The following STS variants were observed in gnomAD, a reference collection of about 807,000 sequenced individuals.
STS encodes the protein steryl-sulfatase.
A neutral mutation model predicts 26.8 loss-of-function variants in STS; 7 were observed. The observed-to-expected ratio is 0.26, with a 90% CI of 0.15 to 0.49. The LOEUF (loss-of-function observed/expected upper bound fraction) is 0.49, where lower values mean the gene tolerates loss of function less well. STS is among the 20% of genes least tolerant of loss of function. The pLI, the probability that STS is intolerant of heterozygous loss-of-function variation, is 0.98. For missense variants in STS, 434 were observed against 465.6 expected, an observed-to-expected ratio of 0.93 and a Z score of 0.63; for synonymous variants, 199 against 189.4, an observed-to-expected ratio of 1.05 and a Z score of -0.42.
chrX:7,180,261 C>T (rs1431235617), intron 1 of STS, among the ~76,000 whole-genome samples: 1 of 111,564 alleles, frequency 9.0e-6, no homozygotes, highest in African/African-American at 3.3e-5. Flanking sequence ...TGCAACTAGA[C>T]GATCCCATCG....
At chrX:7,267,658 C>G (rs1294697522) in intron 6 of STS, among the ~76,000 whole-genome samples, 1 of 112,001 alleles carries the variant, frequency 8.9e-6, no homozygotes, top group African/African-American at 3.2e-5. Context: ...CCACTTCGAA[C>G]AGTAGATTTC....
At chrX:7,305,012 C>A (rs780807042) in intron 7 of STS, 34 bp from the exon 8 acceptor site, 13 of 1,206,711 alleles carry the variant, frequency 1.1e-5, no homozygotes, top group Non-Finnish European at 1.5e-5. Flanking sequence ...TATGAATATG[C>A]ATTATTTTTA....
intron 2 of STS, among the ~76,000 whole-genome samples, chrX:7,237,204 A>C (rs1320017096): frequency 1.1e-5 from 1 of 90,968 alleles, no homozygotes; most frequent in Non-Finnish European, 2.2e-5. Flanking sequence ...CAAAAACCAA[A>C]GATTTGCTCA....
At chrX:7,191,804 C>T in intron 2 of STS, among the ~76,000 whole-genome samples, 1 of 112,125 alleles carries the variant, frequency 8.9e-6, no homozygotes, top group East Asian at 2.8e-4. Context: ...ACCCAGGTCC[C>T]TCCCTGCAGG....
chrX:7,224,952 C>T (rs1316631494), intron 2 of STS, among the ~76,000 whole-genome samples: 1 of 112,216 alleles, frequency 8.9e-6, no homozygotes, highest in East Asian at 2.8e-4. Flanking sequence ...CTCTGCATGG[C>T]ACTTGCAGTT....
At chrX:7,182,467 G>C (rs1397551558) in intron 1 of STS, among the ~76,000 whole-genome samples, 1 of 109,642 alleles carries the variant, frequency 9.1e-6, no homozygotes, top group African/African-American at 3.3e-5. Context: ...ATGGACTCTA[G>C]CATTCCCACT....
chrX:7,238,193 G>GAT (rs1922419877), intron 2 of STS, among the ~76,000 whole-genome samples: 1 of 73,633 alleles, frequency 1.4e-5, no homozygotes, highest in South Asian at 8.4e-4. Context: ...TAGATAGATA[G>GAT]ATAGATAGAT....
At chrX:7,172,966 G>A (rs1457242330) in intron 1 of STS, among the ~76,000 whole-genome samples, 2 of 111,107 alleles carry the variant, frequency 1.8e-5, no homozygotes, top group African/African-American at 3.3e-5. Flanking sequence ...GGGCACATGT[G>A]TAGGATGTGC....
intron 1 of STS, among the ~76,000 whole-genome samples, chrX:7,159,041 T>A (rs1601619840): frequency 8.9e-6 from 1 of 111,952 alleles, no homozygotes; most frequent in Non-Finnish European, 1.9e-5. Flanking sequence ...GAGTGCCTAC[T>A]GAGAGCCAGA....
intron 2 of STS, among the ~76,000 whole-genome samples, chrX:7,232,986 C>T (rs1017468507): frequency 2.7e-5 from 3 of 111,326 alleles, no homozygotes; most frequent in South Asian, 3.8e-4. Flanking sequence ...CATCACCTTC[C>T]GCCATGATTG....
chrX:7,164,500 A>G (rs1303114967), intron 1 of STS, among the ~76,000 whole-genome samples: 1 of 110,483 alleles, frequency 9.1e-6, no homozygotes, highest in Admixed American at 9.7e-5. Context: ...ATTGAGCCAG[A>G]AAAGCTGGGC....
intron 7 of STS, among the ~76,000 whole-genome samples, chrX:7,289,607 T>A (rs370187128): frequency 2.2e-4 from 24 of 111,561 alleles, no homozygotes; most frequent in African/African-American, 7.5e-4. Flanking sequence ...TATCCAGGTG[T>A]ACAGCCATGT....
intron 9 of STS, among the ~76,000 whole-genome samples, chrX:7,326,731 G>A (rs761219674): frequency 1.3e-4 from 15 of 112,111 alleles, no homozygotes; most frequent in African/African-American, 3.2e-4. Context: ...CGAATGTCAC[G>A]CAGGCGGCTG....
chrX:7,166,325 G>A (rs755595005), intron 1 of STS, among the ~76,000 whole-genome samples: 1 of 110,923 alleles, frequency 9.0e-6, no homozygotes, highest in South Asian at 3.9e-4. Flanking sequence ...CTTATATTTT[G>A]CTTCATTTAA....
At chrX:7,321,237 A>G (rs1927015420) in intron 8 of STS, among the ~76,000 whole-genome samples, 1 of 111,457 alleles carries the variant, frequency 9.0e-6, no homozygotes, top group African/African-American at 3.3e-5. Flanking sequence ...AAACATGGAC[A>G]CAATGAAGGG....
intron 2 of STS, among the ~76,000 whole-genome samples, chrX:7,228,831 T>A (rs1038079630): frequency 8.9e-6 from 1 of 112,488 alleles, no homozygotes; most frequent in Non-Finnish European, 1.9e-5. Flanking sequence ...CCTTTTACTC[T>A]TTACATTTTA....
chrX:7,303,198 G>A lies in STS; in HGVS notation c.944-1848G>A, dbSNP rs759769231. Among the ~76,000 whole-genome samples, 4 of 110,906 alleles carry A rather than the reference G, an allele frequency of 3.6e-5. No homozygotes were observed. In the East Asian group the frequency reaches 8.6e-4, roughly 24 times the overall value. On this transcript the variant is annotated intron_variant, in intron 7 of 10. Coordinates refer to ENST00000674429, the MANE Select transcript of STS (RefSeq NM_001320752.2). ...TTCGCGAGATCTGATGGTTTTATGC[G>A]GGGTTTCTGCTTTCGCTTGGCTGGC...
chrX:7,189,553 A>G (rs1228309713), intron 1 of STS, among the ~76,000 whole-genome samples: 1 of 112,022 alleles, frequency 8.9e-6, no homozygotes, highest in Non-Finnish European at 1.9e-5. Context: ...TACTTTTCAC[A>G]TATCCCAAAA....
At position 7,340,193 on chromosome X, in the gene STS, G is replaced by A. The variant is rs779440335; in HGVS notation, c.1363+6086G>A. Among the ~76,000 whole-genome samples the A allele has an allele frequency of 6.4e-5, 7 of 110,144 alleles. No homozygotes were observed. In the East Asian group the frequency reaches 8.6e-4, roughly 13 times the overall value. Reference sequence around the variant, plus strand: ...CTGATCTTTTCCCCTTGCATTCTCCGTCCTACCGTTTCATTGATTTTCTAC... The same window carrying A: ...CTGATCTTTTCCCCTTGCATTCTCCATCCTACCGTTTCATTGATTTTCTAC... On this transcript the variant is annotated intron_variant, in intron 10 of 10. Transcript: ENST00000674429.
Sources: allele counts gnomAD v4.1 joint callset (sites outside exome capture counted in the v4.1 genomes callset), GRCh38; gene constraint gnomAD v4.1.1; transcripts MANE v1.5; gene names NCBI Gene and HGNC (gene_info 2026-07-23, HGNC 2026-07-21).